Variants in TRPS1 observed in about 807,000 individuals in gnomAD.
TRPS1 encodes the protein transcriptional repressor GATA binding 1, also known as zinc finger transcription factor Trps1.
TRPS1 carries 6 observed loss-of-function variants against 101.2 expected under a neutral mutation model. The ratio of observed to expected loss-of-function variants is 0.06; its 90% CI spans 0.03 to 0.12. The LOEUF is 0.12. Among genes scored for constraint, TRPS1 ranks in the 10% least tolerant of loss-of-function variants. The pLI, the probability that TRPS1 is intolerant of heterozygous loss-of-function variation, is 1.00. For missense variants in TRPS1, 1,363 were observed against 1,567.0 expected (o/e 0.87, Z 2.20); for synonymous variants, 578 against 589.8 (o/e 0.98, Z 0.29).
chr8:115,416,600 C>T (rs966736085), intron 6 of TRPS1, among the ~76,000 whole-genome samples: 3 of 148,684 alleles, frequency 2.0e-5, no homozygotes, highest in African/African-American at 7.4e-5. Flanking sequence ...TTTAAAAAAA[C>T]ATAAATATAA....
At position 115,663,721 on chromosome 8, in the gene TRPS1, G is replaced by GAAA. The variant is rs1201864123; in HGVS notation, c.-122+4821_-122+4823dup. Among the ~76,000 whole-genome samples the GAAA allele has an allele frequency of 3.7e-3, 282 of 76,790 alleles. 4 individuals are homozygous for GAAA. The highest frequency in any genetic ancestry group is 9.1e-3 in the African/African-American group (254 of 27,772). The allele number at this position is 76,790 out of a possible 152,430, so 50.4% of individuals were successfully genotyped here. On this transcript the variant is annotated intron_variant, in intron 1 of 6. Coordinates refer to ENST00000395715, the MANE Select transcript of TRPS1 (RefSeq NM_014112.5). ...ATTTGGATTTGTGCTCTTGGAAAAG[G>GAAA]AAAAAAAAAAAAAAAAAAAAAACTG... is the stretch of plus-strand genomic sequence containing the variant.
intron 4 of TRPS1, among the ~76,000 whole-genome samples, chr8:115,591,353 G>T (rs1349036365): frequency 2.0e-5 from 3 of 152,118 alleles, no homozygotes; most frequent in Non-Finnish European, 4.4e-5. Flanking sequence ...AGGAATAGGG[G>T]TCGCTTAAGA....
At chr8:115,416,506 A>G (rs1812922918) in intron 6 of TRPS1, among the ~76,000 whole-genome samples, 1 of 148,908 alleles carries the variant, frequency 6.7e-6, no homozygotes, top group African/African-American at 2.4e-5. Flanking sequence ...TGTGTATATA[A>G]TGTATAATTT....
chr8:115,554,295 G>C (rs1187961366), intron 5 of TRPS1, among the ~76,000 whole-genome samples: 2 of 152,008 alleles, frequency 1.3e-5, no homozygotes, highest in Non-Finnish European at 2.9e-5. Flanking sequence ...CCTAAGAGTA[G>C]AGTCCCACTT....
At chr8:115,615,371 C>CA (rs1219808250) in intron 3 of TRPS1, among the ~76,000 whole-genome samples, 2 of 152,198 alleles carry the variant, frequency 1.3e-5, no homozygotes, top group Non-Finnish European at 2.9e-5. Flanking sequence ...TGCAAACACC[C>CA]AATGCACAGC....
At chr8:115,455,525 C>T (rs1355179948) in intron 5 of TRPS1, among the ~76,000 whole-genome samples, 1 of 152,128 alleles carries the variant, frequency 6.6e-6, no homozygotes, top group Non-Finnish European at 1.5e-5. Flanking sequence ...GCACTGAGTC[C>T]ACTGGACTCA....
intron 1 of TRPS1, among the ~76,000 whole-genome samples, chr8:115,665,651 T>A (rs1811905008): frequency 6.6e-6 from 1 of 152,190 alleles, no homozygotes; most frequent in African/African-American, 2.4e-5. Context: ...GCAGAAAATT[T>A]TATAAAATCA....
chr8:115,419,950 T>C (rs1813011564), intron 5 of TRPS1, among the ~76,000 whole-genome samples: 1 of 152,186 alleles, frequency 6.6e-6, no homozygotes, highest in South Asian at 2.1e-4. Context: ...TGAGGGCTGG[T>C]AAGCTGCACA....
intron 5 of TRPS1, among the ~76,000 whole-genome samples, chr8:115,506,457 A>G (rs944425818): frequency 5.3e-5 from 8 of 152,022 alleles, no homozygotes; most frequent in Non-Finnish European, 7.4e-5. Flanking sequence ...AATGGAGTTC[A>G]TATCTTATGG....
chr8:115,655,941 A>G (rs1029794022), intron 1 of TRPS1, among the ~76,000 whole-genome samples: 2 of 152,140 alleles, frequency 1.3e-5, no homozygotes, highest in African/African-American at 4.8e-5. Flanking sequence ...TTTGCCTGAC[A>G]TCACAGGAAC....
chr8:115,650,058 A>T (rs1474224847), intron 1 of TRPS1, among the ~76,000 whole-genome samples: 1 of 152,224 alleles, frequency 6.6e-6, no homozygotes, highest in Non-Finnish European at 1.5e-5. Context: ...CTACCAGAAC[A>T]GCAGGTCTAA....
At chr8:115,565,381 A>C (rs1817042848) in intron 5 of TRPS1, among the ~76,000 whole-genome samples, 1 of 152,112 alleles carries the variant, frequency 6.6e-6, no homozygotes, top group East Asian at 1.9e-4. Flanking sequence ...CTCTCAAAAG[A>C]GGTGGAGGAA....
chr8:115,541,954 G>C (rs1816463294), intron 5 of TRPS1, among the ~76,000 whole-genome samples: 1 of 152,148 alleles, frequency 6.6e-6, no homozygotes. Flanking sequence ...ACAGAGCCCT[G>C]CAATAGTCAA....
Position 115,587,283 on chromosome 8 carries a change from A to G in TRPS1, c.2418T>C (p.Thr806=), listed in dbSNP as rs767865126. The G allele has an allele frequency of 1.2e-6, 2 of 1,614,206 alleles. No homozygotes were observed. The highest frequency in any genetic ancestry group is 1.3e-5 in the African/African-American group (1 of 75,062). ...CCCGCAGGATGTCTGCCCCTCTCCA[A>G]GTCACATTGCGAAGGTCATCACTGG... is the stretch of plus-strand genomic sequence containing the variant. The part of the protein sequence containing the change: ...ESSSDDLRNV[T]WRGADILRGS... The change falls in exon 5 of 7, where the codon ACT becomes ACC. Residue 806 remains threonine (T), a synonymous_variant. Coordinates refer to ENST00000395715, the MANE Select transcript of TRPS1 (RefSeq NM_014112.5).
rs116844953 is a variant in TRPS1 at position 115,639,358 on chromosome 8, G to A, written c.-121-15600C>T. 3.4e-3 allele frequency among the ~76,000 whole-genome samples: 515 copies of A among 152,178 alleles called. 10 individuals carry two copies. Among genetic ancestry groups the A allele is most frequent in the Non-Finnish European group, 1.7e-3 (116 of 68,006 alleles). On this transcript the variant is annotated intron_variant, in intron 1 of 6. Transcript: ENST00000395715. ...TGCTGGGATTACAGGTGTGAGCCAC[G>A]ATGTCCAACAGTCAATCACTATATG...
intron 3 of TRPS1, among the ~76,000 whole-genome samples, chr8:115,611,099 A>T (rs1240568269): frequency 6.6e-6 from 1 of 150,860 alleles, no homozygotes; most frequent in Non-Finnish European, 1.5e-5. Flanking sequence ...CCTGGGCAAC[A>T]GAGCAAGACT....
chr8:115,412,274 T>C lies in TRPS1; in HGVS notation c.*1749A>G, dbSNP rs1233932893. The C allele has an allele frequency of 2.0e-5, 3 of 152,402 alleles. No individual in the cohort carries two copies. Among genetic ancestry groups the C allele is most frequent in the Non-Finnish European group, 4.4e-5 (3 of 67,962 alleles). The allele number at this position is 152,402 out of a possible 1,614,324, so 9.4% of individuals were successfully genotyped here. On this transcript the variant is annotated 3_prime_UTR_variant, in exon 7 of 7. Transcript: ENST00000395715. Reference sequence around the variant, plus strand: ...CATTTCCTTCTTGTTTTCCATACCATTATAGCAAGAACTTTCATTTGTTTC... The same window carrying C: ...CATTTCCTTCTTGTTTTCCATACCACTATAGCAAGAACTTTCATTTGTTTC...
intron 5 of TRPS1, among the ~76,000 whole-genome samples, chr8:115,447,481 G>T (rs955530188): frequency 1.3e-5 from 2 of 152,000 alleles, no homozygotes; most frequent in East Asian, 1.9e-4. Flanking sequence ...TTGAGCAAAA[G>T]ATATAAGATA....
chr8:115,526,438 A>G (rs901674040), intron 5 of TRPS1, among the ~76,000 whole-genome samples: 8 of 152,188 alleles, frequency 5.3e-5, no homozygotes, highest in Non-Finnish European at 8.8e-5. Context: ...TAGGTAATAT[A>G]TTTTAAAAAA....
Sources: gnomAD v4.1 joint callset for allele counts (sites outside exome capture counted in the v4.1 genomes callset) on GRCh38, gnomAD v4.1.1 for gene constraint, MANE v1.5 for transcripts, NCBI Gene and HGNC (gene_info 2026-07-23, HGNC 2026-07-21) for gene names.